Variants in ELP4 observed in about 807,000 individuals in gnomAD.
ELP4 encodes the protein elongator acetyltransferase complex subunit 4.
Under a neutral mutation model 48.9 loss-of-function variants are expected in ELP4, and 51 were observed. The observed-to-expected ratio is 1.04, with a 90% CI of 0.83 to 1.32. The LOEUF (loss-of-function observed/expected upper bound fraction) is 1.32, where lower values mean the gene tolerates loss of function less well. ELP4 is among the 40% of genes most tolerant of loss of function. The pLI is 0.00. For synonymous variants in ELP4, 210 were observed against 189.2 expected (o/e 1.11, Z -0.90); for missense variants, 519 against 514.6 (o/e 1.01, Z -0.08).
chr11:31,581,746 T>C (rs1447873752), intron 3 of ELP4, among the ~76,000 whole-genome samples: 1 of 142,702 alleles, frequency 7.0e-6, no homozygotes, highest in Non-Finnish European at 1.5e-5. Context: ...TTCTCTCATG[T>C]TCTGTCTTTT....
chr11:31,692,157 T>G (rs1946295092), intron 9 of ELP4, among the ~76,000 whole-genome samples: 1 of 152,136 alleles, frequency 6.6e-6, no homozygotes, highest in Non-Finnish European at 1.5e-5. Context: ...ATTGGAAAAT[T>G]TCTAAACTAA....
chr11:31,707,849 G>A (rs1429018648), intron 9 of ELP4, among the ~76,000 whole-genome samples: 1 of 151,992 alleles, frequency 6.6e-6, no homozygotes, highest in Non-Finnish European at 1.5e-5. Context: ...ATCATTACAT[G>A]GCCTCTCTGA....
intron 9 of ELP4, among the ~76,000 whole-genome samples, chr11:31,674,086 T>G (rs1945866864): frequency 6.6e-6 from 1 of 152,228 alleles, no homozygotes; most frequent in Admixed American, 6.5e-5. Context: ...TGGAGGTATC[T>G]TTCGTGGAGA....
intron 9 of ELP4, among the ~76,000 whole-genome samples, chr11:31,680,919 A>G (rs1270346845): frequency 1.3e-5 from 2 of 152,200 alleles, no homozygotes; most frequent in East Asian, 3.9e-4. Context: ...TATCCTGAGG[A>G]GCTCAGGTAT....
At chr11:31,742,898 C>A (rs1366321465) in intron 9 of ELP4, among the ~76,000 whole-genome samples, 1 of 152,070 alleles carries the variant, frequency 6.6e-6, no homozygotes, top group Middle Eastern at 3.2e-3. Context: ...TCACACATAA[C>A]AATATTAACT....
intron 9 of ELP4, among the ~76,000 whole-genome samples, chr11:31,768,431 G>A (rs761693765): frequency 6.6e-6 from 1 of 152,096 alleles, no homozygotes; most frequent in Non-Finnish European, 1.5e-5. Context: ...TATAAACTCA[G>A]TAGAGAGAAA....
At chr11:31,758,364 A>G (rs560405558) in intron 9 of ELP4, among the ~76,000 whole-genome samples, 1 of 152,172 alleles carries the variant, frequency 6.6e-6, no homozygotes, top group African/African-American at 2.4e-5. Flanking sequence ...TTTGAGTTGT[A>G]TAGCAATATA....
chr11:31,657,292 C>A (rs928572395), intron 9 of ELP4, among the ~76,000 whole-genome samples: 3 of 152,044 alleles, frequency 2.0e-5, no homozygotes, highest in African/African-American at 7.2e-5. Flanking sequence ...AAATTAACTA[C>A]CTCAACCTCC....
intron 3 of ELP4, among the ~76,000 whole-genome samples, chr11:31,543,053 A>T (rs1433498101): frequency 1.3e-5 from 2 of 152,198 alleles, no homozygotes; most frequent in African/African-American, 4.8e-5. Context: ...AAAAGAAAAG[A>T]TTAGTAAATT....
intron 9 of ELP4, among the ~76,000 whole-genome samples, chr11:31,748,000 T>A (rs1336186987): frequency 1.3e-5 from 2 of 152,194 alleles, no homozygotes; most frequent in Non-Finnish European, 2.9e-5. Flanking sequence ...TAAAATTATG[T>A]TTGGACTATG....
intron 7 of ELP4, among the ~76,000 whole-genome samples, chr11:31,645,181 G>A (rs963421228): frequency 6.6e-6 from 1 of 151,658 alleles, no homozygotes; most frequent in Admixed American, 6.6e-5. Flanking sequence ...GCAAACCTGT[G>A]AAACTTAGAA....
rs1945649933 is a variant in ELP4, at chr11:31,665,392, C to T, written c.1143+15171C>T. On this transcript the variant is annotated intron_variant, in intron 9 of 9. Transcript: ENST00000640961. ...GTATTTTTAATTTTCAGTAGTATTC[C>T]TTTTGTACTATGAAGCTTTTTTAAC... is the stretch of plus-strand genomic sequence containing the variant. 2.6e-5 allele frequency among the ~76,000 whole-genome samples: 4 copies of T among 152,114 alleles called. No individual in the cohort carries two copies. The South Asian group carries it at 8.3e-4, about 32-fold the overall frequency.
intron 3 of ELP4, among the ~76,000 whole-genome samples, chr11:31,550,794 C>T (rs1956835762): frequency 6.6e-6 from 1 of 152,106 alleles, no homozygotes; most frequent in Non-Finnish European, 1.5e-5. Context: ...ATACATTTCT[C>T]AAAACAGTCA....
chr11:31,555,886 A>G (rs952124818), intron 3 of ELP4, among the ~76,000 whole-genome samples: 3 of 151,986 alleles, frequency 2.0e-5, no homozygotes, highest in Admixed American at 6.6e-5. Context: ...ACCAAAACCA[A>G]GGAGTTAACA....
At chr11:31,759,491 G>A (rs1247596563) in intron 9 of ELP4, among the ~76,000 whole-genome samples, 1 of 152,042 alleles carries the variant, frequency 6.6e-6, no homozygotes, top group Non-Finnish European at 1.5e-5. Context: ...GTCCTAAAAG[G>A]TGTCTGAAGT....
intron 9 of ELP4, among the ~76,000 whole-genome samples, chr11:31,751,995 A>AG (rs1947731830): frequency 6.6e-6 from 1 of 152,220 alleles, no homozygotes; most frequent in African/African-American, 2.4e-5. Flanking sequence ...AAGAAAACTG[A>AG]GGGAAAAAAA....
intron 9 of ELP4, among the ~76,000 whole-genome samples, chr11:31,739,215 T>G (rs531989473): frequency 1.1e-4 from 16 of 152,338 alleles, no homozygotes; most frequent in South Asian, 4.1e-4. Flanking sequence ...AGTGACACAA[T>G]TAAAATTCTC....
intron 9 of ELP4, among the ~76,000 whole-genome samples, chr11:31,741,939 A>T (rs1477077132): frequency 6.6e-6 from 1 of 152,186 alleles, no homozygotes; most frequent in African/African-American, 2.4e-5. Context: ...CAGACGATCA[A>T]ACTACTCCGA....
intron 4 of ELP4, among the ~76,000 whole-genome samples, 178 bp from the exon 5 acceptor site, chr11:31,603,590 G>A (rs1247604192): frequency 6.6e-6 from 1 of 151,688 alleles, no homozygotes; most frequent in African/African-American, 2.4e-5. Flanking sequence ...AACTATAAAT[G>A]GTTTAAAATA....
Sources: allele counts gnomAD v4.1 joint callset (sites outside exome capture counted in the v4.1 genomes callset), GRCh38; gene constraint gnomAD v4.1.1; transcripts MANE v1.5; gene names NCBI Gene and HGNC (gene_info 2026-07-23, HGNC 2026-07-21).